The following IFNAR2 variants were observed in gnomAD, a reference collection of about 807,000 sequenced individuals.
IFNAR2 encodes interferon alpha/beta receptor 2.
In IFNAR2, 30 loss-of-function variants were observed where a neutral mutation model predicts 49.4. That is an observed-to-expected ratio of 0.61 (90% CI 0.45 to 0.82). The LOEUF is 0.82. IFNAR2 is among the 40% of genes least tolerant of loss of function. The pLI is 0.00. For missense variants in IFNAR2, 600 were observed against 622.7 expected (o/e 0.96, Z 0.39); for synonymous variants, 224 against 234.5 (o/e 0.96, Z 0.41).
chr21:33,248,601 A>G, intron 5 of IFNAR2, 108 bp from the exon 6 acceptor site: 1 of 963,478 alleles, frequency 1.0e-6, no homozygotes, highest in South Asian at 2.0e-5. Context: ...GATGTAAATC[A>G]GGACTTGGCA....
chr21:33,250,578 C>T (rs942447033), intron 6 of IFNAR2, among the ~76,000 whole-genome samples: 1 of 152,146 alleles, frequency 6.6e-6, no homozygotes, highest in East Asian at 1.9e-4. Flanking sequence ...GCTCTTGTTG[C>T]CCAGGCTGGA....
chr21:33,231,228 G>T (rs1158887123), intron 1 of IFNAR2, among the ~76,000 whole-genome samples: 1 of 152,100 alleles, frequency 6.6e-6, no homozygotes, highest in African/African-American at 2.4e-5. Flanking sequence ...TTGAGGGGGT[G>T]AGGGGGTAGC....
intron 5 of IFNAR2, among the ~76,000 whole-genome samples, chr21:33,247,254 C>CTTTTTTTTTTTTTT (rs59707670): frequency 1.2e-3 from 113 of 91,528 alleles, no homozygotes; most frequent in Non-Finnish European, 1.7e-3. Flanking sequence ...TTCTTTCTTT[C>CTTTTTTTTTTTTTT]TTTTTTTTTT....
chr21:33,242,055 C>A, intron 2 of IFNAR2, 78 bp downstream of exon 2: 2 of 1,398,792 alleles, frequency 1.4e-6, no homozygotes, highest in East Asian at 2.4e-5. Flanking sequence ...GGCAGGAAGT[C>A]GCAAACTCAT....
Position 33,263,021 on chromosome 21 carries a change from T to A in IFNAR2, c.1069T>A (p.Ser357Thr). 1 of 1,614,104 alleles carries A rather than the reference T, an allele frequency of 6.2e-7. No individual in the cohort carries two copies. Among genetic ancestry groups the A allele is most frequent in the Non-Finnish European group, 8.5e-7 (1 of 1,180,016 alleles). Reference sequence around the variant, plus strand: ...TCAGGCCTCTGCCACCTCTACAGAATCCCAGTTGATAGACCCGGAGTCCGA... The same window carrying A: ...TCAGGCCTCTGCCACCTCTACAGAAACCCAGTTGATAGACCCGGAGTCCGA... ...LGQASATSTE[S>T]QLIDPESEEE... The change falls in exon 9 of 9, where the codon TCC becomes ACC. Residue 357 changes from serine (S) to threonine (T), a missense_variant. Physicochemically the swap from Ser to Thr is moderately conservative, Grantham distance 58. Coordinates refer to ENST00000342136, the MANE Select transcript of IFNAR2 (RefSeq NM_001289125.3).
At chr21:33,257,029 G>C (rs17860263) in intron 7 of IFNAR2, among the ~76,000 whole-genome samples, 2,371 of 152,258 alleles carry the variant, frequency 0.016, 20 homozygotes, top group Non-Finnish European at 0.024. Context: ...CTTAGGAGAA[G>C]GGGAAAGAGG....
chr21:33,258,067 G>C (rs1035161070), intron 7 of IFNAR2, among the ~76,000 whole-genome samples: 12 of 152,164 alleles, frequency 7.9e-5, no homozygotes, highest in Admixed American at 7.2e-4. Flanking sequence ...CACTTTGGGG[G>C]GCCGAGCCAG....
At chr21:33,237,450 G>A (rs371711269) in intron 1 of IFNAR2, among the ~76,000 whole-genome samples, 2 of 152,016 alleles carry the variant, frequency 1.3e-5, no homozygotes, top group Admixed American at 6.6e-5. Flanking sequence ...TGGGAGAATC[G>A]CTTGAGCCCA....
At chr21:33,237,110 T>TGTGTGTGTGTGTGTGTGTGTGTG (rs1439441197) in intron 1 of IFNAR2, among the ~76,000 whole-genome samples, 1 of 148,508 alleles carries the variant, frequency 6.7e-6, no homozygotes, top group African/African-American at 2.5e-5. Context: ...TGTGTGTGTG[T>TGTGTGTGTGTGTGTGTGTGTGTG]TTTCTCGGCT....
intron 1 of IFNAR2, among the ~76,000 whole-genome samples, chr21:33,238,572 G>A (rs1447835673): frequency 1.3e-5 from 2 of 152,074 alleles, no homozygotes; most frequent in African/African-American, 4.8e-5. Flanking sequence ...CCTTGGAGTA[G>A]GGAAGACTTT....
At chr21:33,262,280 C>T (rs1988633805) in intron 8 of IFNAR2, among the ~76,000 whole-genome samples, 1 of 147,758 alleles carries the variant, frequency 6.8e-6, no homozygotes, top group Admixed American at 6.9e-5. Flanking sequence ...CAGAGAATTG[C>T]TTGAACCTGG....
At chr21:33,237,276 A>C (rs1352105397) in intron 1 of IFNAR2, among the ~76,000 whole-genome samples, 1 of 152,160 alleles carries the variant, frequency 6.6e-6, no homozygotes. Context: ...TCACATCCAT[A>C]ATCCAAGCCC....
intron 7 of IFNAR2, among the ~76,000 whole-genome samples, chr21:33,254,204 C>T (rs1988058397): frequency 6.6e-6 from 1 of 152,198 alleles, no homozygotes; most frequent in African/African-American, 2.4e-5. Context: ...AAACCTGAAA[C>T]ACTAGTTCAG....
At chr21:33,231,350 T>TA (rs1358205817) in intron 1 of IFNAR2, among the ~76,000 whole-genome samples, 1 of 152,258 alleles carries the variant, frequency 6.6e-6, no homozygotes, top group African/African-American at 2.4e-5. Context: ...CTTGAACTTG[T>TA]AAGTTCTATT....
At chr21:33,262,282 T>G (rs1035015169) in intron 8 of IFNAR2, among the ~76,000 whole-genome samples, 4 of 149,214 alleles carry the variant, frequency 2.7e-5, no homozygotes, top group African/African-American at 9.9e-5. Flanking sequence ...GAGAATTGCT[T>G]GAACCTGGGA....
intron 1 of IFNAR2, among the ~76,000 whole-genome samples, chr21:33,233,776 G>A (rs930028126): frequency 2.6e-5 from 4 of 151,954 alleles, no homozygotes; most frequent in Non-Finnish European, 5.9e-5. Context: ...TCAAAATAAA[G>A]AACTTAAGAG....
rs17860233 is a variant in IFNAR2, at chr21:33,255,474, G to T, written c.709+2644G>T. ...TGCTAAAATGACTCACAGAACTCAGGAAAGTGTTATGGCTTATGATTACCA... is the reference window on the plus strand; with the variant it reads ...TGCTAAAATGACTCACAGAACTCAGTAAAGTGTTATGGCTTATGATTACCA... On this transcript the variant is annotated intron_variant, in intron 7 of 8. Transcript: ENST00000342136. 5.8e-3 allele frequency among the ~76,000 whole-genome samples: 876 copies of T among 152,326 alleles called. 15 individuals are homozygous for T. The highest frequency in any genetic ancestry group is 0.02 in the African/African-American group (835 of 41,568).
intron 7 of IFNAR2, among the ~76,000 whole-genome samples, chr21:33,260,167 A>G (rs959632134): frequency 1.3e-5 from 2 of 152,188 alleles, no homozygotes; most frequent in Non-Finnish European, 2.9e-5. Flanking sequence ...CAGCCTCAGA[A>G]TGACCCAGTT....
Position 33,230,472 on chromosome 21 carries a change from G to A in IFNAR2, c.-84+256G>A, listed in dbSNP as rs1482913605. The A allele has an allele frequency of 4.3e-6, 2 of 470,136 alleles. No individual in the cohort carries two copies. The highest frequency in any genetic ancestry group is 2.0e-5 in the African/African-American group (1 of 50,020). The allele number at this position is 470,136 out of a possible 1,614,324, so 29.1% of individuals were successfully genotyped here. ...GCGCCCTCCACGCGTCGCCCCTGCT[G>A]GGAGTCCGCTTTCGTTGCACCCCTC... On this transcript the variant is annotated intron_variant, in intron 1 of 8. Transcript: ENST00000342136. The surrounding 1 kb of genome is among the most constrained non-coding windows in gnomAD (Gnocchi z 5.5).
Sources: allele counts gnomAD v4.1 joint callset (sites outside exome capture counted in the v4.1 genomes callset), GRCh38; gene constraint gnomAD v4.1.1; non-coding constraint Gnocchi (gnomAD v3.1); transcripts MANE v1.5; gene names NCBI Gene and HGNC (gene_info 2026-07-23, HGNC 2026-07-21).